Variants in RIN3 observed in about 807,000 individuals in gnomAD.
The protein encoded by RIN3 is Ras and Rab interactor 3.
Under a neutral mutation model 76.3 loss-of-function variants are expected in RIN3, and 54 were observed. The observed-to-expected ratio is 0.71, with a 90% CI of 0.57 to 0.89. The LOEUF (loss-of-function observed/expected upper bound fraction) is 0.89. Among genes scored for constraint, RIN3 ranks in the 40% least tolerant of loss-of-function variants. The pLI is 0.00. For missense variants in RIN3, 1,256 were observed against 1,322.1 expected (o/e 0.95, Z 0.78); for synonymous variants, 576 against 564.0 (o/e 1.02, Z -0.30).
chr14:92,579,345 T>C (rs1371780401), intron 3 of RIN3, among the ~76,000 whole-genome samples: 5 of 152,256 alleles, frequency 3.3e-5, no homozygotes, highest in African/African-American at 2.4e-5. Flanking sequence ...GTTTCAAAGT[T>C]AAACAATAAA....
At chr14:92,585,061 C>T (rs1424111659) in intron 3 of RIN3, among the ~76,000 whole-genome samples, 2 of 152,124 alleles carry the variant, frequency 1.3e-5, no homozygotes, top group Non-Finnish European at 2.9e-5. Flanking sequence ...GGCTACAGTG[C>T]GGTGGCGCAA....
chr14:92,598,013 A>C (rs1444471328), intron 3 of RIN3, among the ~76,000 whole-genome samples: 1 of 152,168 alleles, frequency 6.6e-6, no homozygotes, highest in Admixed American at 6.5e-5. Context: ...TCTCCCATCA[A>C]GATTCTATTG....
At chr14:92,528,323 A>G (rs986938499) in intron 1 of RIN3, among the ~76,000 whole-genome samples, 5 of 152,182 alleles carry the variant, frequency 3.3e-5, no homozygotes, top group Non-Finnish European at 7.4e-5. Context: ...GTAGAACAGT[A>G]CGGTGTGGTG....
chr14:92,650,615 AC>A (rs763583701), intron 5 of RIN3, among the ~76,000 whole-genome samples: 9 of 152,328 alleles, frequency 5.9e-5, no homozygotes, highest in Middle Eastern at 3.4e-3. Context: ...GCTGAACAAG[AC>A]CTGGGACCCT....
chr14:92,514,492 C>T lies in RIN3; in HGVS notation c.44+516C>T, dbSNP rs1276650801. Among the ~76,000 whole-genome samples the T allele has an allele frequency of 4.6e-5, 7 of 152,356 alleles. No homozygotes were observed. Among genetic ancestry groups the T allele is most frequent in the African/African-American group, 1.4e-4 (6 of 41,596 alleles). On this transcript the variant is annotated intron_variant, in intron 1 of 9. Coordinates refer to ENST00000216487, the MANE Select transcript of RIN3 (RefSeq NM_024832.5). This position sits in a 1 kb window ranked among gnomAD's most constrained non-coding sequence, Gnocchi z 7.2. ...GGGTGCCCGCGGCCCAACAGCTGAC[C>T]GGCCCTCCTGGACCGAGGGTCCACT...
At chr14:92,629,871 C>T (rs1323828333) in intron 4 of RIN3, among the ~76,000 whole-genome samples, 3 of 152,240 alleles carry the variant, frequency 2.0e-5, no homozygotes, top group Non-Finnish European at 4.4e-5. Flanking sequence ...CTGTCTGCTC[C>T]AGAGGCCTCA....
chr14:92,552,309 C>T (rs1386364139), intron 1 of RIN3, among the ~76,000 whole-genome samples: 3 of 152,142 alleles, frequency 2.0e-5, no homozygotes, highest in Non-Finnish European at 2.9e-5. Flanking sequence ...GTGGGGCTGC[C>T]GGGCTGGGAA....
intron 3 of RIN3, among the ~76,000 whole-genome samples, chr14:92,590,212 G>A (rs1463896403): frequency 6.6e-6 from 1 of 152,144 alleles, no homozygotes; most frequent in Admixed American, 6.5e-5. Context: ...GCAGGAAGAA[G>A]GCAAAAGGAA....
intron 1 of RIN3, among the ~76,000 whole-genome samples, chr14:92,537,955 G>GC (rs1001165827): frequency 9.9e-5 from 15 of 151,982 alleles, no homozygotes; most frequent in Admixed American, 3.3e-4. Flanking sequence ...CTCTGCCTCA[G>GC]CCCCCCAAGT....
chr14:92,653,177 G>A (rs1887538664), intron 6 of RIN3, 102 bp downstream of exon 6: 17 of 1,261,010 alleles, frequency 1.3e-5, no homozygotes, highest in Middle Eastern at 2.7e-4. Context: ...GACGCTGTTG[G>A]TGCCCACCCC....
At chr14:92,604,770 T>A (rs1885464711) in intron 3 of RIN3, among the ~76,000 whole-genome samples, 1 of 152,036 alleles carries the variant, frequency 6.6e-6, no homozygotes. Flanking sequence ...CAAAAGAGAA[T>A]GAGCTGATTA....
Position 92,648,730 on chromosome 14 carries a change from A to G in RIN3, c.533-2852A>G, listed in dbSNP as rs796551353. Among the ~76,000 whole-genome samples the G allele has an allele frequency of 8.5e-5, 13 of 152,334 alleles. No individual in the cohort carries two copies. The highest frequency in any genetic ancestry group is 1.9e-4 in the African/African-American group (8 of 41,578). ...AAACTCTGAGTCTGGTGGGAAAGTCAGGCAAAAAACAGAGAATTACAGTCC... is the reference window on the plus strand; with the variant it reads ...AAACTCTGAGTCTGGTGGGAAAGTCGGGCAAAAAACAGAGAATTACAGTCC... On this transcript the variant is annotated intron_variant, in intron 5 of 9. Transcript: ENST00000216487. The surrounding 1 kb of genome is among the most constrained non-coding windows in gnomAD (Gnocchi z 4.1).
At chr14:92,654,107 A>G (rs1887573287) in intron 6 of RIN3, among the ~76,000 whole-genome samples, 2 of 152,126 alleles carry the variant, frequency 1.3e-5, no homozygotes, top group Admixed American at 1.3e-4. Flanking sequence ...TGAGGTCAAG[A>G]GTTCGAGACC....
chr14:92,641,201 G>A, intron 4 of RIN3, 37 bp from the exon 5 acceptor site: 1 of 1,489,010 alleles, frequency 6.7e-7, no homozygotes, highest in Admixed American at 1.7e-5. Context: ...GGACACGGTG[G>A]ACCCAGACAT....
At chr14:92,521,841 CT>C (rs1222346304) in intron 1 of RIN3, among the ~76,000 whole-genome samples, 2 of 152,220 alleles carry the variant, frequency 1.3e-5, no homozygotes, top group Non-Finnish European at 2.9e-5. Flanking sequence ...TGCCGAACTT[CT>C]GTTACAGTTG....
chr14:92,518,962 C>G (rs1035661884), intron 1 of RIN3, among the ~76,000 whole-genome samples: 5 of 152,028 alleles, frequency 3.3e-5, no homozygotes, highest in African/African-American at 4.8e-5. Flanking sequence ...CCTGTCTCCT[C>G]TAGTATTTTA....
At position 92,672,660 on chromosome 14, in the gene RIN3, ATGTGTGTGTG is replaced by A. The variant is rs57611104; in HGVS notation, c.2336-3795_2336-3786del. On this transcript the variant is annotated intron_variant, in intron 7 of 9. Coordinates refer to ENST00000216487, the MANE Select transcript of RIN3 (RefSeq NM_024832.5). Reference sequence around the variant, plus strand: ...ATAAATTATATATATATGTGTGTGCATGTGTGTGTGTGTGTGTGTGTGTGTGTGTATACAC... The same window carrying A: ...ATAAATTATATATATATGTGTGTGCATGTGTGTGTGTGTGTGTGTATACAC... 6.1e-5 allele frequency among the ~76,000 whole-genome samples: 9 copies of A among 148,396 alleles called. No homozygotes were observed. The South Asian group carries it at 8.7e-4, about 14-fold the overall frequency.
intron 3 of RIN3, among the ~76,000 whole-genome samples, chr14:92,591,800 G>T (rs568348771): frequency 6.6e-6 from 1 of 152,288 alleles, no homozygotes; most frequent in East Asian, 1.9e-4. Context: ...CAGGGGATTT[G>T]TTGCTATTAG....
intron 2 of RIN3, among the ~76,000 whole-genome samples, chr14:92,565,278 G>A (rs1053898773): frequency 6.6e-6 from 1 of 152,160 alleles, no homozygotes; most frequent in Admixed American, 6.5e-5. Context: ...GGAGCTTTGT[G>A]ACATTCGTTC....
Sources: allele counts gnomAD v4.1 joint callset (sites outside exome capture counted in the v4.1 genomes callset), GRCh38; gene constraint gnomAD v4.1.1; non-coding constraint Gnocchi (gnomAD v3.1); transcripts MANE v1.5; gene names NCBI Gene and HGNC (gene_info 2026-07-23, HGNC 2026-07-21).